The following GLRB variants were observed in gnomAD, a reference collection of about 807,000 sequenced individuals.
GLRB encodes the protein glycine receptor subunit beta.
Under a neutral mutation model 54.2 loss-of-function variants are expected in GLRB, and 33 were observed. The ratio of observed to expected loss-of-function variants is 0.61; its 90% CI spans 0.46 to 0.81. GLRB has a LOEUF of 0.81. GLRB is among the 40% of genes least tolerant of loss of function. The pLI is 0.00. For missense variants in GLRB, 572 were observed against 584.6 expected (o/e 0.98, Z 0.22); for synonymous variants, 209 against 208.2 (o/e 1.00, Z -0.03).
At chr4:157,135,562 A>G (rs1736367902) in intron 4 of GLRB, among the ~76,000 whole-genome samples, 1 of 152,100 alleles carries the variant, frequency 6.6e-6, no homozygotes, top group South Asian at 2.1e-4. Context: ...GCCACCATGT[A>G]AATCATGCCT....
At chr4:157,152,243 TA>T (rs1243467375) in intron 8 of GLRB, among the ~76,000 whole-genome samples, 2 of 152,172 alleles carry the variant, frequency 1.3e-5, no homozygotes, top group East Asian at 3.9e-4. Flanking sequence ...TAGTTTTTTT[TA>T]TTATGAACCT....
chr4:157,163,646 CT>C (rs1435939354), intron 9 of GLRB, among the ~76,000 whole-genome samples: 1 of 152,038 alleles, frequency 6.6e-6, no homozygotes, highest in Admixed American at 6.6e-5. Context: ...ACATCGGAGG[CT>C]GTTGGGGTTT....
chr4:157,147,477 G>T (rs934849857), intron 8 of GLRB, among the ~76,000 whole-genome samples: 3 of 152,046 alleles, frequency 2.0e-5, no homozygotes, highest in Non-Finnish European at 4.4e-5. Flanking sequence ...GGGGGGGATT[G>T]GAGATATTTA....
intron 2 of GLRB, among the ~76,000 whole-genome samples, chr4:157,097,446 A>T (rs1289276548): frequency 1.3e-5 from 2 of 152,170 alleles, no homozygotes; most frequent in African/African-American, 4.8e-5. Context: ...TAAGAATTGA[A>T]CTATTATTCT....
At chr4:157,124,520 A>G (rs971108661) in intron 4 of GLRB, among the ~76,000 whole-genome samples, 6 of 151,842 alleles carry the variant, frequency 4.0e-5, no homozygotes, top group African/African-American at 1.4e-4. Context: ...TGGTGAACAC[A>G]TAAATAAATA....
rs1307035888 is a variant in GLRB, at chr4:157,170,434, T to C, written c.1200T>C (p.Val400=). Reference sequence around the variant, plus strand: ...TTGTCTTCAATATTTATTCTTAGGTTGGTGAGACCAGATGCAAAAAAGTTT... The same window carrying C: ...TTGTCTTCAATATTTATTCTTAGGTCGGTGAGACCAGATGCAAAAAAGTTT... ...GTPVHISTLQ[V]GETRCKKVCT... The change falls in exon 10 of 10, where the codon GTT becomes GTC. Residue 400 remains valine (V), a splice_region_variant and synonymous_variant. Transcript: ENST00000264428. 1 of 1,564,956 alleles carries C rather than the reference T, an allele frequency of 6.4e-7. No individual in the cohort carries two copies. Among genetic ancestry groups the C allele is most frequent in the Non-Finnish European group, 8.8e-7 (1 of 1,135,530 alleles).
At chr4:157,141,784 C>T (rs1017175618) in intron 7 of GLRB, among the ~76,000 whole-genome samples, 1 of 152,034 alleles carries the variant, frequency 6.6e-6, no homozygotes, top group Non-Finnish European at 1.5e-5. Flanking sequence ...TATTTTACTG[C>T]TAAATGCATC....
At chr4:157,100,657 A>T (rs1201890951) in intron 2 of GLRB, among the ~76,000 whole-genome samples, 4 of 152,166 alleles carry the variant, frequency 2.6e-5, no homozygotes, top group Non-Finnish European at 5.9e-5. Flanking sequence ...GGACTCAATT[A>T]TTTCTAATTT....
chr4:157,101,797 G>GTTTTTT (rs77992858), intron 2 of GLRB, among the ~76,000 whole-genome samples: 1 of 38,008 alleles, frequency 2.6e-5, no homozygotes, highest in Non-Finnish European at 5.3e-5. Context: ...AGTCAAACTT[G>GTTTTTT]TTTTTTTTTT....
chr4:157,163,325 C>CA (rs1737584897), intron 9 of GLRB, among the ~76,000 whole-genome samples: 2 of 152,184 alleles, frequency 1.3e-5, no homozygotes, highest in African/African-American at 4.8e-5. Flanking sequence ...GCTGCACCGA[C>CA]AGTCAGACAA....
intron 8 of GLRB, 58 bp from the exon 9 acceptor site, chr4:157,152,660 C>T (rs183518096): frequency 2.9e-5 from 38 of 1,325,180 alleles, no homozygotes; most frequent in Admixed American, 2.2e-4. Flanking sequence ...AGAGTAATGA[C>T]CCCAGAACAT....
chr4:157,136,797 C>G lies in GLRB; in HGVS notation c.528-7C>G. 6.3e-7 allele frequency: 1 copy of G among 1,595,992 alleles called. No individual in the cohort carries two copies. Among genetic ancestry groups the G allele is most frequent in the African/African-American group, 1.3e-5 (1 of 74,640 alleles). On this transcript the variant is annotated splice_polypyrimidine_tract_variant and splice_region_variant and intron_variant, in intron 5 of 9. Transcript: ENST00000264428. ...AAATTATTTCTAAGACCCATTTCTGCTTCCAGGTTATCTATTACTCTTTCA... is the reference window on the plus strand; with the variant it reads ...AAATTATTTCTAAGACCCATTTCTGGTTCCAGGTTATCTATTACTCTTTCA...
intron 2 of GLRB, among the ~76,000 whole-genome samples, chr4:157,085,229 G>T (rs571387365): frequency 1.4e-4 from 21 of 151,626 alleles, no homozygotes; most frequent in Admixed American, 3.3e-4. Context: ...CACTACATCT[G>T]CTCTTACCAT....
chr4:157,143,952 G>A lies in GLRB; in HGVS notation c.897G>A (p.Val299=). ...ACCCGGACGCGAGTGCTGCCAGAGT[G>A]CCCCTGGGTAAGGTGTTCCATGCTT... ...WINPDASAAR[V]PLGIFSVLSL... The change falls in exon 8 of 10, where the codon GTG becomes GTA. Residue 299 remains valine, a synonymous_variant. Coordinates refer to ENST00000264428, the MANE Select transcript of GLRB (RefSeq NM_000824.5). 1.9e-6 allele frequency: 3 copies of A among 1,613,898 alleles called. No homozygotes were observed. Among genetic ancestry groups the A allele is most frequent in the Non-Finnish European group, 2.5e-6 (3 of 1,179,908 alleles).
chr4:157,150,759 CT>C (rs1736993437), intron 8 of GLRB, among the ~76,000 whole-genome samples: 1 of 152,004 alleles, frequency 6.6e-6, no homozygotes, highest in African/African-American at 2.4e-5. Context: ...CTGTTCATAA[CT>C]TTGTCTCAAT....
chr4:157,135,126 AT>A (rs1736354556), intron 4 of GLRB, among the ~76,000 whole-genome samples: 1 of 152,146 alleles, frequency 6.6e-6, no homozygotes, highest in Non-Finnish European at 1.5e-5. Flanking sequence ...GTGTATTTTG[AT>A]ATAAGGGTCA....
chr4:157,125,237 T>C (rs186209998), intron 4 of GLRB, among the ~76,000 whole-genome samples: 149 of 151,744 alleles, frequency 9.8e-4, no homozygotes, highest in Middle Eastern at 3.4e-3. Context: ...ATAATAAAAA[T>C]AAACAAAAAA....
intron 2 of GLRB, among the ~76,000 whole-genome samples, chr4:157,102,213 A>G (rs1735056662): frequency 6.6e-6 from 1 of 152,326 alleles, no homozygotes; most frequent in South Asian, 2.1e-4. Flanking sequence ...AAGAACACTT[A>G]ATATGAGTTC....
At chr4:157,137,645 T>A (rs1347281722) in intron 6 of GLRB, among the ~76,000 whole-genome samples, 2 of 152,216 alleles carry the variant, frequency 1.3e-5, no homozygotes, top group African/African-American at 2.4e-5. Flanking sequence ...GGTTGTTTTT[T>A]AAATAATGTA....
Sources: gnomAD v4.1 joint callset for allele counts (sites outside exome capture counted in the v4.1 genomes callset) on GRCh38, gnomAD v4.1.1 for gene constraint, MANE v1.5 for transcripts, NCBI Gene and HGNC (gene_info 2026-07-23, HGNC 2026-07-21) for gene names.